Variants in NRXN3 observed in about 807,000 individuals in gnomAD.
The protein encoded by NRXN3 is neurexin III.
A neutral mutation model predicts 137.6 loss-of-function variants in NRXN3; 32 were observed. The observed-to-expected ratio is 0.23, with a 90% confidence interval of 0.18 to 0.31. The LOEUF (loss-of-function observed/expected upper bound fraction) is 0.31, where lower values mean the gene tolerates loss of function less well. NRXN3 is among the 10% of genes least tolerant of loss of function. NRXN3 has a pLI of 1.00. For synonymous variants in NRXN3, 798 were observed against 784.5 expected, an observed-to-expected ratio of 1.02 and a Z score of -0.29; for missense variants, 1,574 against 2,062.5, an observed-to-expected ratio of 0.76 and a Z score of 4.59.
At chr14:78,830,715 A>G (rs1031552796) in intron 10 of NRXN3, among the ~76,000 whole-genome samples, 12 of 151,870 alleles carry the variant, frequency 7.9e-5, no homozygotes, top group African/African-American at 2.7e-4. Flanking sequence ...TTCTGAGAAG[A>G]TATAATGCAT....
At chr14:78,978,388 G>A (rs925976209) in intron 14 of NRXN3, among the ~76,000 whole-genome samples, 9 of 151,896 alleles carry the variant, frequency 5.9e-5, no homozygotes, top group Admixed American at 3.3e-4. Flanking sequence ...TAGAGTATTC[G>A]CGTCTCAGTG....
At chr14:78,329,672 G>A (rs1191337432) in intron 4 of NRXN3, among the ~76,000 whole-genome samples, 1 of 152,094 alleles carries the variant, frequency 6.6e-6, no homozygotes, top group Non-Finnish European at 1.5e-5. Context: ...AAAAGAAGGG[G>A]GAAAAATCCA....
chr14:78,633,251 C>CAAAAAAAAAAAAAAAAAAAAAA (rs779442429), intron 4 of NRXN3, among the ~76,000 whole-genome samples: 1 of 68,052 alleles, frequency 1.5e-5, no homozygotes, highest in African/African-American at 7.1e-5. Flanking sequence ...GAGACTCTGT[C>CAAAAAAAAAAAAAAAAAAAAAA]AAAAAAAAAA....
At chr14:79,496,514 GCTGT>G (rs2096769411) in intron 16 of NRXN3, among the ~76,000 whole-genome samples, 1 of 152,146 alleles carries the variant, frequency 6.6e-6, no homozygotes, top group South Asian at 2.1e-4. Context: ...TTGCCGCAGG[GCTGT>G]CATTATGAAC....
chr14:79,563,738 A>G (rs1046236186), intron 16 of NRXN3, among the ~76,000 whole-genome samples: 6 of 151,824 alleles, frequency 4.0e-5, no homozygotes, highest in African/African-American at 7.2e-5. Flanking sequence ...AGGGTGCACT[A>G]TGGCAGTTGC....
chr14:79,664,006 C>G, intron 17 of NRXN3, 57 bp downstream of exon 17: 1 of 1,562,646 alleles, frequency 6.4e-7, no homozygotes, highest in Middle Eastern at 1.7e-4. Context: ...TCTCACTTTT[C>G]AGTGGTGATT....
chr14:78,370,258 A>C (rs1486751560), intron 4 of NRXN3, among the ~76,000 whole-genome samples: 1 of 149,282 alleles, frequency 6.7e-6, no homozygotes, highest in East Asian at 2.0e-4. Flanking sequence ...CTTGAAATCC[A>C]CCCAATGTTG....
intron 10 of NRXN3, among the ~76,000 whole-genome samples, chr14:78,922,937 G>A (rs189074971): frequency 1.0e-3 from 154 of 152,344 alleles, no homozygotes; most frequent in Middle Eastern, 3.4e-3. Context: ...TGTCACAGCA[G>A]CATTTTTTCC....
At chr14:78,559,066 T>G (rs1157655116) in intron 4 of NRXN3, among the ~76,000 whole-genome samples, 1 of 152,194 alleles carries the variant, frequency 6.6e-6, no homozygotes, top group Non-Finnish European at 1.5e-5. Context: ...TACAAGTCTT[T>G]CCATTTGTAA....
chr14:78,225,974 G>GTGTTGGTGT (rs1394081828), intron 1 of NRXN3, among the ~76,000 whole-genome samples: 29 of 123,718 alleles, frequency 2.3e-4, no homozygotes, highest in African/African-American at 6.2e-4. Flanking sequence ...TGTGTGTGTT[G>GTGTTGGTGT]GTGTGTGTGT....
intron 4 of NRXN3, among the ~76,000 whole-genome samples, chr14:78,312,797 C>T (rs7158061): frequency 0.14 from 20,588 of 152,038 alleles, 1,798 homozygotes; most frequent in Admixed American, 0.2. Context: ...GTTTTGATCA[C>T]GAGGGCTCTC....
intron 19 of NRXN3, among the ~76,000 whole-genome samples, chr14:79,715,592 G>C (rs553305844): frequency 1.3e-5 from 2 of 152,344 alleles, no homozygotes; most frequent in African/African-American, 2.4e-5. Flanking sequence ...TGTGTGGACA[G>C]ATCTGGATAG....
chr14:78,360,543 ACC>A (rs2084959827), intron 4 of NRXN3, among the ~76,000 whole-genome samples: 1 of 152,070 alleles, frequency 6.6e-6, no homozygotes, highest in Admixed American at 6.5e-5. Context: ...GTCATTTACT[ACC>A]CATGTAGCCC....
At chr14:79,744,423 C>CA (rs75149194) in intron 19 of NRXN3, among the ~76,000 whole-genome samples, 17 of 152,036 alleles carry the variant, frequency 1.1e-4, no homozygotes, top group African/African-American at 4.1e-4. Context: ...TCCTACCCCC[C>CA]AAAAATGAAC....
intron 6 of NRXN3, among the ~76,000 whole-genome samples, chr14:78,680,361 T>C (rs1218511926): frequency 1.3e-5 from 2 of 152,192 alleles, no homozygotes; most frequent in African/African-American, 4.8e-5. Context: ...CCTGCACTTG[T>C]ACCCCTGAAG....
intron 10 of NRXN3, among the ~76,000 whole-genome samples, chr14:78,914,764 A>T (rs2099250352): frequency 6.6e-6 from 1 of 152,142 alleles, no homozygotes; most frequent in Non-Finnish European, 1.5e-5. Context: ...CTCAGGAATA[A>T]CTGGGAAGAA....
At chr14:78,988,263 A>G (rs2099511242) in intron 15 of NRXN3, 122 bp downstream of exon 15, 1 of 1,253,068 alleles carries the variant, frequency 8.0e-7, no homozygotes. Flanking sequence ...TCTCTCCTCC[A>G]GAAACTTGGG....
chr14:79,095,974 T>A (rs1363077049), intron 15 of NRXN3, among the ~76,000 whole-genome samples: 2 of 152,138 alleles, frequency 1.3e-5, no homozygotes, highest in Admixed American at 6.5e-5. Flanking sequence ...TAGAAAATTT[T>A]AAAAATTTTT....
In NRXN3 at chr14:78,880,112, C is replaced by T. The variant is rs1330737089; in HGVS notation, c.2275+69768C>T. On this transcript the variant is annotated intron_variant, in intron 10 of 20. Coordinates refer to ENST00000335750, the MANE Select transcript of NRXN3 (RefSeq NM_001330195.2). ...AAAATTAGCCGGGCGTAGTGGCGGGCGCCTGTAGTCCCAGCTACTTGGGAG... is the reference window on the plus strand; with the variant it reads ...AAAATTAGCCGGGCGTAGTGGCGGGTGCCTGTAGTCCCAGCTACTTGGGAG... Among the ~76,000 whole-genome samples, 3 of 146,088 alleles carry T rather than the reference C, an allele frequency of 2.1e-5. 1 individual carries two copies. Among genetic ancestry groups the T allele is most frequent in the African/African-American group, 5.3e-5 (2 of 37,610 alleles).
Sources: allele counts gnomAD v4.1 joint callset (sites outside exome capture counted in the v4.1 genomes callset), GRCh38; gene constraint gnomAD v4.1.1; transcripts MANE v1.5; gene names NCBI Gene and HGNC (gene_info 2026-07-23, HGNC 2026-07-21).